FREM3: variants seen among roughly 807,000 people sequenced by gnomAD.
FREM3 encodes FRAS1-related extracellular matrix protein 3.
A neutral mutation model predicts 129.1 loss-of-function variants in FREM3; 105 were observed. The observed-to-expected ratio is 0.81, with a 90% CI of 0.69 to 0.96. The LOEUF (loss-of-function observed/expected upper bound fraction) is 0.96, where lower values mean the gene tolerates loss of function less well. Ranked by LOEUF, FREM3 falls within the 40% of genes least tolerant of loss-of-function variation. The probability of loss-of-function intolerance (pLI) is 0.00; values close to 1 mark genes in which losing one functional copy is unlikely to be tolerated. For synonymous variants in FREM3, 1,014 were observed against 1,044.9 expected (o/e 0.97, Z 0.57); for missense variants, 2,593 against 2,666.3 (o/e 0.97, Z 0.61).
At chr4:143,662,493 G>T (rs1266316699) in intron 2 of FREM3, among the ~76,000 whole-genome samples, 6 of 150,206 alleles carry the variant, frequency 4.0e-5, no homozygotes, top group Non-Finnish European at 8.9e-5. Flanking sequence ...TTGCTGAGGA[G>T]AGCTTTACTT....
At chr4:143,605,577 C>A (rs1252432224) in intron 6 of FREM3, among the ~76,000 whole-genome samples, 1 of 152,090 alleles carries the variant, frequency 6.6e-6, no homozygotes, top group Non-Finnish European at 1.5e-5. Context: ...GAAATATAAA[C>A]AACAGAGTCA....
At chr4:143,688,263 A>G (rs1403652425) in intron 2 of FREM3, among the ~76,000 whole-genome samples, 2 of 152,138 alleles carry the variant, frequency 1.3e-5, no homozygotes, top group Non-Finnish European at 2.9e-5. Flanking sequence ...CCCTTTTAAA[A>G]TAGCTGCAAA....
chr4:143,622,117 G>T (rs1738962035), intron 4 of FREM3, among the ~76,000 whole-genome samples: 1 of 149,870 alleles, frequency 6.7e-6, no homozygotes, highest in Admixed American at 6.6e-5. Flanking sequence ...TTGAGGCAGG[G>T]TCTTGCTCTG....
At chr4:143,600,285 G>A (rs1738549792) in intron 6 of FREM3, among the ~76,000 whole-genome samples, 1 of 152,130 alleles carries the variant, frequency 6.6e-6, no homozygotes, top group South Asian at 2.1e-4. Context: ...GCTAAACCAT[G>A]AGGACTTTGA....
chr4:143,588,888 C>T (rs576927397), intron 6 of FREM3, among the ~76,000 whole-genome samples: 115 of 150,986 alleles, frequency 7.6e-4, no homozygotes, highest in African/African-American at 2.8e-3. Flanking sequence ...TATTTCTCCA[C>T]ATCCTCTCCA....
Position 143,696,296 on chromosome 4 carries a change from A to C in FREM3, c.4380T>G (p.His1460Gln), listed in dbSNP as rs1740567082. The change falls in exon 1 of 8, where the codon CAT (histidine) becomes CAG (glutamine). Residue 1460 changes from histidine to glutamine, a missense_variant. By Grantham distance (24) the His-to-Gln change is conservative. Transcript: ENST00000329798. ...TTGGAGCCCGTGTAATGCTAAAGTG[A>C]TGTTCATCAGAGCTGTTGATGTCAC... ...TNSDINSSDE[H>Q]HFSITRAPSL... The C allele has an allele frequency of 6.5e-7, 1 of 1,537,534 alleles. No homozygotes were observed. The highest frequency in any genetic ancestry group is 1.7e-4 in the Middle Eastern group (1 of 5,992).
chr4:143,604,552 T>C (rs916232705), intron 6 of FREM3, among the ~76,000 whole-genome samples: 6 of 152,136 alleles, frequency 3.9e-5, no homozygotes, highest in African/African-American at 1.4e-4. Flanking sequence ...ATTTTTTTCA[T>C]TAATTATTAA....
chr4:143,665,004 G>A (rs1438803369), intron 2 of FREM3, among the ~76,000 whole-genome samples: 2 of 152,116 alleles, frequency 1.3e-5, no homozygotes, highest in African/African-American at 4.8e-5. Context: ...CCCTTTCTTT[G>A]ACTAGGAAAG....
Position 143,695,947 on chromosome 4 carries a change from T to C in FREM3, c.4729A>G (p.Thr1577Ala). The change falls in exon 1 of 8, where the codon ACC becomes GCC. Residue 1577 changes from threonine (T) to alanine (A), a missense_variant. Transcript: ENST00000329798. Reference protein sequence around the residue: ...TPDDLILFTITQVPMHGKILY... With the variant: ...TPDDLILFTIAQVPMHGKILY... ...ATCTTGCCATGCATGGGGACCTGGG[T>C]GATGGTAAAGAGAATAAGGTCATCT... is the stretch of plus-strand genomic sequence containing the variant. 6.5e-7 allele frequency: 1 copy of C among 1,537,676 alleles called. No individual in the cohort carries two copies. The highest frequency in any genetic ancestry group is 8.7e-7 in the Non-Finnish European group (1 of 1,146,962).
At chr4:143,668,556 A>C (rs1051907884) in intron 2 of FREM3, among the ~76,000 whole-genome samples, 5 of 152,212 alleles carry the variant, frequency 3.3e-5, no homozygotes, top group African/African-American at 1.2e-4. Flanking sequence ...TTTGGCTTCA[A>C]TTCATGAAAG....
At chr4:143,590,706 T>G (rs1314626600) in intron 6 of FREM3, among the ~76,000 whole-genome samples, 2 of 152,170 alleles carry the variant, frequency 1.3e-5, no homozygotes, top group Non-Finnish European at 2.9e-5. Flanking sequence ...TCTCTTTTTT[T>G]GCTGTGTCTC....
At chr4:143,579,548 G>C (rs1431940164) in intron 7 of FREM3, among the ~76,000 whole-genome samples, 1 of 152,070 alleles carries the variant, frequency 6.6e-6, no homozygotes, top group Non-Finnish European at 1.5e-5. Context: ...CTCAAATCTT[G>C]GTTTATTGCT....
chr4:143,603,511 A>G (rs1738612073), intron 6 of FREM3, among the ~76,000 whole-genome samples: 1 of 152,170 alleles, frequency 6.6e-6, no homozygotes, highest in South Asian at 2.1e-4. Context: ...CTTTAGACAT[A>G]GTTGATCCAT....
intron 2 of FREM3, among the ~76,000 whole-genome samples, chr4:143,662,539 C>G (rs866683200): frequency 4.7e-5 from 4 of 85,310 alleles, no homozygotes; most frequent in East Asian, 4.7e-4. Context: ...AGGTGTGGTG[C>G]GGAAAAAAAT....
intron 2 of FREM3, among the ~76,000 whole-genome samples, chr4:143,646,130 A>T (rs1367757995): frequency 6.6e-6 from 1 of 152,210 alleles, no homozygotes; most frequent in East Asian, 1.9e-4. Flanking sequence ...AATACATAAT[A>T]ATAACAAAAA....
chr4:143,677,343 T>G (rs917772461), intron 2 of FREM3, among the ~76,000 whole-genome samples: 9 of 152,184 alleles, frequency 5.9e-5, no homozygotes, highest in Non-Finnish European at 8.8e-5. Context: ...TAGCCATATG[T>G]AGAAAGCTGA....
At chr4:143,646,745 G>A (rs1032934877) in intron 2 of FREM3, among the ~76,000 whole-genome samples, 3 of 152,204 alleles carry the variant, frequency 2.0e-5, no homozygotes, top group Admixed American at 2.0e-4. Flanking sequence ...CTTCATCGAA[G>A]CATGAGAACA....
At chr4:143,634,097 T>A (rs1739189589) in intron 2 of FREM3, among the ~76,000 whole-genome samples, 1 of 152,122 alleles carries the variant, frequency 6.6e-6, no homozygotes, top group Non-Finnish European at 1.5e-5. Context: ...AATAGCTGAT[T>A]TAGAGAAGCC....
At chr4:143,664,951 A>G (rs1053337777) in intron 2 of FREM3, among the ~76,000 whole-genome samples, 2 of 152,148 alleles carry the variant, frequency 1.3e-5, no homozygotes, top group Non-Finnish European at 2.9e-5. Flanking sequence ...AAAGTGCAGT[A>G]TTTGGGTGGG....
Sources: allele counts gnomAD v4.1 joint callset (sites outside exome capture counted in the v4.1 genomes callset), GRCh38; gene constraint gnomAD v4.1.1; transcripts MANE v1.5; gene names NCBI Gene and HGNC (gene_info 2026-07-23, HGNC 2026-07-21).